The following PKIG variants were observed in gnomAD, a reference collection of about 807,000 sequenced individuals.
PKIG encodes protein kinase (cAMP-dependent, catalytic) inhibitor gamma.
In PKIG, 1 loss-of-function variant was observed where a neutral mutation model predicts 6.8. The observed-to-expected ratio is 0.15, with a 90% confidence interval of 0.05 to 0.69. PKIG has a LOEUF of 0.69. PKIG is among the 30% of genes least tolerant of loss of function. PKIG has a pLI of 0.82. For synonymous variants in PKIG, 39 were observed against 43.0 expected, an observed-to-expected ratio of 0.91 and a Z score of 0.36; for missense variants, 77 against 104.0, an observed-to-expected ratio of 0.74 and a Z score of 1.13.
chr20:44,571,233 T>TAATAATAATAAC, intron 1 of PKIG, among the ~76,000 whole-genome samples: 1 of 149,298 alleles, frequency 6.7e-6, no homozygotes, highest in South Asian at 2.1e-4. Context: ...CAAATAATAA[T>TAATAATAATAAC]AATAATAATA....
chr20:44,617,205 A>C (rs926627286), intron 3 of PKIG, among the ~76,000 whole-genome samples: 1 of 152,140 alleles, frequency 6.6e-6, no homozygotes, highest in African/African-American at 2.4e-5. Flanking sequence ...GGTTCTGTGA[A>C]GGGCTTAGCC....
chr20:44,532,635 C>T (rs912938667), intron 1 of PKIG, among the ~76,000 whole-genome samples: 6 of 152,130 alleles, frequency 3.9e-5, no homozygotes, highest in Non-Finnish European at 8.8e-5. Flanking sequence ...TGATTTTGGA[C>T]ATACAGGGGG....
intron 1 of PKIG, among the ~76,000 whole-genome samples, chr20:44,570,210 A>G (rs889793937): frequency 6.6e-6 from 1 of 152,208 alleles, no homozygotes; most frequent in Admixed American, 6.5e-5. Context: ...TTAAATCCTC[A>G]TAGTGTCTGA....
At chr20:44,617,367 G>A (rs557201511) in intron 3 of PKIG, among the ~76,000 whole-genome samples, 6 of 152,248 alleles carry the variant, frequency 3.9e-5, no homozygotes, top group Admixed American at 6.5e-5. Context: ...CCCACGTGGT[G>A]CACCTTATGA....
chr20:44,588,924 C>T (rs1267886105), intron 1 of PKIG, among the ~76,000 whole-genome samples: 1 of 152,152 alleles, frequency 6.6e-6, no homozygotes, highest in South Asian at 2.1e-4. Context: ...TTATACATGC[C>T]TCTTTAAAAG....
At chr20:44,574,343 A>G (rs1301183454) in intron 1 of PKIG, among the ~76,000 whole-genome samples, 1 of 150,734 alleles carries the variant, frequency 6.6e-6, no homozygotes, top group African/African-American at 2.5e-5. Flanking sequence ...TTATCGAGAT[A>G]TGGTTTTTTT....
intron 1 of PKIG, among the ~76,000 whole-genome samples, chr20:44,561,091 C>G (rs35939168): frequency 3.2e-4 from 48 of 152,104 alleles, no homozygotes; most frequent in Non-Finnish European, 5.9e-4. Context: ...TAATCCCAGC[C>G]CTTTGGGAGG....
intron 3 of PKIG, 65 bp from the exon 4 acceptor site, chr20:44,618,220 C>T (rs1600911061): frequency 3.7e-6 from 4 of 1,080,684 alleles, no homozygotes; most frequent in East Asian, 4.7e-5. Flanking sequence ...GGCCCTTTCA[C>T]ACCTCCTTCT....
At chr20:44,570,577 G>A (rs1364764461) in intron 1 of PKIG, among the ~76,000 whole-genome samples, 10 of 152,192 alleles carry the variant, frequency 6.6e-5, no homozygotes, top group Non-Finnish European at 4.4e-5. Context: ...AAGGATAACA[G>A]AAGCCTCATA....
chr20:44,549,784 C>T (rs2064651222), intron 1 of PKIG, among the ~76,000 whole-genome samples: 1 of 152,132 alleles, frequency 6.6e-6, no homozygotes, highest in African/African-American at 2.4e-5. Context: ...GTGTTTGCCC[C>T]ACTGCACCCC....
chr20:44,613,965 C>G (rs536385399), intron 2 of PKIG, among the ~76,000 whole-genome samples: 1 of 152,324 alleles, frequency 6.6e-6, no homozygotes, highest in Admixed American at 6.5e-5. Flanking sequence ...CTCCCTCCCT[C>G]AGAGCCTTCA....
In PKIG at chr20:44,566,306, A is replaced by G. The variant is rs923857975; in HGVS notation, c.-240-16279A>G. 3.3e-5 allele frequency among the ~76,000 whole-genome samples: 5 copies of G among 152,342 alleles called. No individual in the cohort carries two copies. The South Asian group carries it at 6.2e-4, about 19-fold the overall frequency. On this transcript the variant is annotated intron_variant, in intron 1 of 4. Coordinates refer to the PKIG transcript ENST00000372887. ...CCACAGAGACCACAAAGCCTGAAGT[A>G]CTTACTGTCTATCCACTTACAGAAA...
At chr20:44,532,318 G>A (rs2425647) in intron 1 of PKIG, among the ~76,000 whole-genome samples, 24,284 of 152,222 alleles carry the variant, frequency 0.16, 2,468 homozygotes, top group African/African-American at 0.29. Context: ...TGGGGCCAGA[G>A]AGGATTGACT....
At chr20:44,583,775 G>A (rs865846553) in intron 1 of PKIG, among the ~76,000 whole-genome samples, 1 of 152,246 alleles carries the variant, frequency 6.6e-6, no homozygotes, top group South Asian at 2.1e-4. Context: ...GAAATGAACT[G>A]TCCATATTTC....
intron 1 of PKIG, among the ~76,000 whole-genome samples, chr20:44,539,423 G>GTT (rs770775515): frequency 2.2e-5 from 3 of 138,788 alleles, no homozygotes; most frequent in Non-Finnish European, 3.2e-5. Context: ...TTCTTTCTTT[G>GTT]TTTTTTTTTT....
chr20:44,574,649 C>T (rs756744829), intron 1 of PKIG, among the ~76,000 whole-genome samples: 2 of 152,166 alleles, frequency 1.3e-5, no homozygotes, highest in Non-Finnish European at 2.9e-5. Context: ...TCTTGGCTCA[C>T]TGCTACCTCC....
intron 2 of PKIG, among the ~76,000 whole-genome samples, chr20:44,601,445 G>A (rs1315024171): frequency 6.6e-6 from 1 of 152,250 alleles, no homozygotes; most frequent in African/African-American, 2.4e-5. Context: ...GGCCACACAT[G>A]GATAGAACCG....
At chr20:44,586,841 A>T (rs541746386) in intron 1 of PKIG, among the ~76,000 whole-genome samples, 2 of 152,312 alleles carry the variant, frequency 1.3e-5, no homozygotes, top group South Asian at 4.1e-4. Context: ...TCCTATGCTG[A>T]CTGATTATGA....
chr20:44,613,097 C>T (rs2065233466), intron 2 of PKIG, among the ~76,000 whole-genome samples: 1 of 152,240 alleles, frequency 6.6e-6, no homozygotes, highest in Admixed American at 6.5e-5. Context: ...ACTCTTCTCT[C>T]CTTTCTCTAG....
Sources: allele counts gnomAD v4.1 joint callset (sites outside exome capture counted in the v4.1 genomes callset), GRCh38; gene constraint gnomAD v4.1.1; transcripts MANE v1.5; gene names NCBI Gene and HGNC (gene_info 2026-07-23, HGNC 2026-07-21).